FIP1L1: variants seen among roughly 807,000 people sequenced by gnomAD.
FIP1L1 encodes factor interacting with PAPOLA and CPSF1, also known as pre-mRNA 3'-end-processing factor FIP1.
Under a neutral mutation model 84.6 loss-of-function variants are expected in FIP1L1, and 21 were observed. The observed-to-expected ratio is 0.25, with a 90% confidence interval of 0.18 to 0.36. The LOEUF (loss-of-function observed/expected upper bound fraction) is 0.36, where lower values mean the gene tolerates loss of function less well. FIP1L1 is among the 10% of genes least tolerant of loss of function. The pLI is 1.00. For missense variants in FIP1L1, 526 were observed against 751.1 expected (o/e 0.70, Z 3.50); for synonymous variants, 263 against 242.3 (o/e 1.09, Z -0.80).
intron 13 of FIP1L1, among the ~76,000 whole-genome samples, chr4:53,434,147 T>TAC (rs145001177): frequency 0.018 from 2,750 of 152,320 alleles, 85 homozygotes; most frequent in African/African-American, 0.063. Context: ...TACTTATGTA[T>TAC]GTTTTATCTG....
At chr4:53,417,850 CTG>C (rs1328548959) in intron 11 of FIP1L1, among the ~76,000 whole-genome samples, 1 of 151,486 alleles carries the variant, frequency 6.6e-6, no homozygotes, top group East Asian at 1.9e-4. Flanking sequence ...AAAACACACA[CTG>C]TCTCACTCTC....
intron 10 of FIP1L1, among the ~76,000 whole-genome samples, chr4:53,408,927 G>C (rs1364685468): frequency 9.2e-6 from 1 of 109,094 alleles, no homozygotes; most frequent in Non-Finnish European, 2.3e-5. Flanking sequence ...TAACTTCTTT[G>C]CCTTTGGTTT....
At chr4:53,449,970 CTT>C (rs1775739821) in intron 15 of FIP1L1, among the ~76,000 whole-genome samples, 1 of 151,990 alleles carries the variant, frequency 6.6e-6, no homozygotes, top group Admixed American at 6.5e-5. Flanking sequence ...TATGTGTTCT[CTT>C]TTTTCTTAAT....
intron 15 of FIP1L1, among the ~76,000 whole-genome samples, chr4:53,445,197 A>T (rs1469643241): frequency 6.6e-6 from 1 of 152,164 alleles, no homozygotes; most frequent in Non-Finnish European, 1.5e-5. Context: ...GGAACCAGTT[A>T]GTTTTATGCT....
chr4:53,381,251 A>G (rs545886173), intron 3 of FIP1L1, among the ~76,000 whole-genome samples: 7 of 152,318 alleles, frequency 4.6e-5, no homozygotes, highest in Admixed American at 2.6e-4. Context: ...ACCTACTGCT[A>G]TCTGGCTTGG....
chr4:53,419,321 TGAA>T (rs1231365854), intron 11 of FIP1L1, among the ~76,000 whole-genome samples: 1 of 152,172 alleles, frequency 6.6e-6, no homozygotes, highest in Non-Finnish European at 1.5e-5. Context: ...TAAACACTGT[TGAA>T]GAAGAAGGGA....
In FIP1L1 at chr4:53,459,741, A is replaced by AGAT; in HGVS notation, c.*293_*295dup. The AGAT allele has an allele frequency of 2.8e-6, 1 of 362,122 alleles. No homozygotes were observed. The highest frequency in any genetic ancestry group is 4.8e-5 in the East Asian group (1 of 20,762). The allele number at this position is 362,122 out of a possible 1,614,324, so 22.4% of individuals were successfully genotyped here. On this transcript the variant is annotated 3_prime_UTR_variant, in exon 18 of 18. Coordinates refer to ENST00000337488, the MANE Select transcript of FIP1L1 (RefSeq NM_030917.4). ...AGCTGTGTTAGCTGTGTACATACAC[A>AGAT]GATTATCTGAGAAAAGGTCAAGGGT... is the stretch of plus-strand genomic sequence containing the variant.
At chr4:53,455,783 G>A (rs1170248444) in intron 16 of FIP1L1, among the ~76,000 whole-genome samples, 3 of 152,008 alleles carry the variant, frequency 2.0e-5, no homozygotes, top group African/African-American at 4.8e-5. Flanking sequence ...TCTAGGACTG[G>A]TCGGTAGCTT....
chr4:53,412,157 TATA>T (rs1757530031), intron 10 of FIP1L1, among the ~76,000 whole-genome samples: 1 of 152,174 alleles, frequency 6.6e-6, no homozygotes, highest in Non-Finnish European at 1.5e-5. Context: ...ATATTTGCGT[TATA>T]ATTTCTCAAA....
At chr4:53,420,213 A>AAAAAAAC (rs1560540725) in intron 11 of FIP1L1, among the ~76,000 whole-genome samples, 2 of 133,738 alleles carry the variant, frequency 1.5e-5, no homozygotes, top group Non-Finnish European at 3.1e-5. Flanking sequence ...AAAAAAAAAA[A>AAAAAAAC]AAAAAAAAAA....
intron 9 of FIP1L1, among the ~76,000 whole-genome samples, chr4:53,395,919 A>ATTTTTTTTTTTTTTTTTTTTTTTT (rs11400535): frequency 6.8e-6 from 1 of 147,814 alleles, no homozygotes; most frequent in African/African-American, 2.5e-5. Context: ...GTATTTTATG[A>ATTTTTTTTTTTTTTTTTTTTTTTT]TTTTTTTTTT....
rs376933920 is a variant in FIP1L1, at chr4:53,412,523, G to A, written c.816-2092G>A. 1.7e-4 allele frequency among the ~76,000 whole-genome samples: 26 copies of A among 152,124 alleles called. 1 individual carries two copies. The South Asian group carries it at 2.3e-3, about 13-fold the overall frequency. ...TTTCTTAACATTGAATTTTAGAAGA[G>A]TACAATCTAGTTGTTGAGTTAATTG... On this transcript the variant is annotated intron_variant, in intron 10 of 17. Coordinates refer to ENST00000337488, the MANE Select transcript of FIP1L1 (RefSeq NM_030917.4).
At chr4:53,380,115 G>C (rs1160079768) in intron 3 of FIP1L1, among the ~76,000 whole-genome samples, 2 of 152,184 alleles carry the variant, frequency 1.3e-5, no homozygotes, top group African/African-American at 4.8e-5. Flanking sequence ...GTGAAACATG[G>C]AGTTACCATG....
intron 2 of FIP1L1, 21 bp downstream of exon 2, chr4:53,379,138 C>G: frequency 6.2e-7 from 1 of 1,613,528 alleles, no homozygotes; most frequent in Non-Finnish European, 8.5e-7. Flanking sequence ...GTGATGATCA[C>G]TTCAGATTTT....
intron 11 of FIP1L1, among the ~76,000 whole-genome samples, chr4:53,419,179 C>T (rs1761094139): frequency 6.6e-6 from 1 of 152,110 alleles, no homozygotes; most frequent in Non-Finnish European, 1.5e-5. Context: ...CACTTTTGAA[C>T]ACACTTATGT....
At chr4:53,451,581 T>TC (rs1010132395) in intron 15 of FIP1L1, among the ~76,000 whole-genome samples, 3 of 151,302 alleles carry the variant, frequency 2.0e-5, no homozygotes, top group Admixed American at 6.6e-5. Context: ...TTTTCTTTTT[T>TC]TTTTTTTTAG....
At chr4:53,412,083 C>G (rs1757496749) in intron 10 of FIP1L1, among the ~76,000 whole-genome samples, 1 of 151,326 alleles carries the variant, frequency 6.6e-6, no homozygotes, top group African/African-American at 2.4e-5. Flanking sequence ...CAAAGAATTG[C>G]AAAAAAAAGT....
In FIP1L1 at chr4:53,377,903, A is replaced by T; in HGVS notation, c.65A>T (p.Glu22Val). Residue 22 changes from glutamate to valine, a missense_variant, in exon 1 of 18, where the codon GAG becomes GTG. By Grantham distance (121) the Glu-to-Val change is moderately radical. Transcript: ENST00000337488. ...ELSGGTGGDE[E>V]EEWLYGGPWD... ...AGCGGCGGGACCGGAGGGGATGAGG[A>T]GGAAGAGTGGCTCTATGGCGGTACG... The T allele has an allele frequency of 6.3e-7, 1 of 1,599,112 alleles. No homozygotes were observed. The highest frequency in any genetic ancestry group is 8.5e-7 in the Non-Finnish European group (1 of 1,172,844).
chr4:53,445,868 C>T (rs1001601220), intron 15 of FIP1L1, among the ~76,000 whole-genome samples: 4 of 152,086 alleles, frequency 2.6e-5, no homozygotes, highest in East Asian at 1.9e-4. Context: ...CAAAATAATC[C>T]TTATGTCAGA....
Sources: allele counts gnomAD v4.1 joint callset (sites outside exome capture counted in the v4.1 genomes callset), GRCh38; gene constraint gnomAD v4.1.1; transcripts MANE v1.5; gene names NCBI Gene and HGNC (gene_info 2026-07-23, HGNC 2026-07-21).